Variants in CDK5RAP2 observed in about 807,000 individuals in gnomAD.
CDK5RAP2 encodes the protein CDK5 regulatory subunit-associated protein 2.
In CDK5RAP2, 147 loss-of-function variants were observed where a neutral mutation model predicts 232.9. The ratio of observed to expected loss-of-function variants is 0.63; its 90% CI spans 0.55 to 0.72. The LOEUF is 0.72. CDK5RAP2 is among the 30% of genes least tolerant of loss of function. The probability of loss-of-function intolerance (pLI) is 0.00; values close to 1 mark genes in which losing one functional copy is unlikely to be tolerated. For missense variants in CDK5RAP2, 2,195 were observed against 2,231.5 expected (o/e 0.98, Z 0.33); for synonymous variants, 833 against 833.7 (o/e 1.00, Z 0.01).
At chr9:120,390,332 C>T (rs115853777) in intron 36 of CDK5RAP2, 2,278 of 156,966 alleles carry the variant, frequency 0.015, 48 homozygotes, top group African/African-American at 0.051. Flanking sequence ...AAGAAAAAAC[C>T]GTGGGCATGC....
intron 14 of CDK5RAP2, among the ~76,000 whole-genome samples, chr9:120,480,191 C>G (rs1268996169): frequency 1.3e-5 from 2 of 152,172 alleles, no homozygotes; most frequent in Non-Finnish European, 2.9e-5. Context: ...CTGCAAACAG[C>G]CTTTGTAGTT....
chr9:120,548,279 A>C (rs1341460170), intron 4 of CDK5RAP2, among the ~76,000 whole-genome samples: 1 of 152,176 alleles, frequency 6.6e-6, no homozygotes, highest in Admixed American at 6.6e-5. Context: ...CAGCTCTCAG[A>C]AGGGTGGAGA....
At chr9:120,493,109 TG>T (rs988980419) in intron 12 of CDK5RAP2, among the ~76,000 whole-genome samples, 3 of 152,126 alleles carry the variant, frequency 2.0e-5, no homozygotes, top group Non-Finnish European at 4.4e-5. Flanking sequence ...GTTCTGAGGA[TG>T]GAAAGGGGAC....
At chr9:120,522,952 C>T (rs1352768847) in intron 11 of CDK5RAP2, among the ~76,000 whole-genome samples, 1 of 152,212 alleles carries the variant, frequency 6.6e-6, no homozygotes, top group Non-Finnish European at 1.5e-5. Context: ...CATTTACTCA[C>T]ACACAATCAG....
intron 12 of CDK5RAP2, among the ~76,000 whole-genome samples, chr9:120,496,820 C>G (rs1186766132): frequency 7.4e-6 from 1 of 134,764 alleles, no homozygotes; most frequent in Non-Finnish European, 1.6e-5. Context: ...CCAGCCGCCC[C>G]GTCCGGGAGG....
intron 35 of CDK5RAP2, among the ~76,000 whole-genome samples, chr9:120,398,657 A>G (rs1252750157): frequency 6.6e-6 from 1 of 152,226 alleles, no homozygotes; most frequent in Non-Finnish European, 1.5e-5. Context: ...TCTACCTTCT[A>G]TCTGTTACTC....
intron 36 of CDK5RAP2, among the ~76,000 whole-genome samples, chr9:120,391,875 G>A (rs773489411): frequency 6.6e-6 from 1 of 152,184 alleles, no homozygotes; most frequent in Non-Finnish European, 1.5e-5. Flanking sequence ...CCAAGGACCT[G>A]ACTCCTTGGG....
At chr9:120,413,827 G>A (rs2034021240) in intron 28 of CDK5RAP2, among the ~76,000 whole-genome samples, 1 of 145,928 alleles carries the variant, frequency 6.9e-6, no homozygotes, top group South Asian at 2.1e-4. Context: ...GGAGGGAGGA[G>A]GGAGGAGGGA....
intron 7 of CDK5RAP2, among the ~76,000 whole-genome samples, chr9:120,531,737 CAG>C (rs1402228428): frequency 1.3e-5 from 2 of 152,088 alleles, no homozygotes; most frequent in Non-Finnish European, 2.9e-5. Flanking sequence ...TGCAGTCAGA[CAG>C]AGCTGCCCTA....
intron 12 of CDK5RAP2, among the ~76,000 whole-genome samples, chr9:120,517,107 A>C (rs1209427146): frequency 6.6e-6 from 1 of 152,240 alleles, no homozygotes; most frequent in Non-Finnish European, 1.5e-5. Flanking sequence ...AAGACAGAAC[A>C]GTATTTAGCC....
chr9:120,414,999 C>A, intron 28 of CDK5RAP2, 41 bp downstream of exon 28: 1 of 1,611,964 alleles, frequency 6.2e-7, no homozygotes, highest in Non-Finnish European at 8.5e-7. Context: ...CAGTGAAGCA[C>A]TCACAGACAT....
intron 25 of CDK5RAP2, among the ~76,000 whole-genome samples, chr9:120,423,523 A>G (rs1396012046): frequency 6.6e-6 from 1 of 152,196 alleles, no homozygotes; most frequent in East Asian, 1.9e-4. Flanking sequence ...TAAAGCTCAG[A>G]ATGTAGCTGG....
At chr9:120,416,521 T>C (rs1393768796) in intron 27 of CDK5RAP2, among the ~76,000 whole-genome samples, 2 of 152,218 alleles carry the variant, frequency 1.3e-5, no homozygotes, top group Admixed American at 6.5e-5. Context: ...TTAATAGCAG[T>C]TGCCTTTAGG....
intron 12 of CDK5RAP2, among the ~76,000 whole-genome samples, chr9:120,516,236 AATC>A (rs1261461673): frequency 1.3e-5 from 2 of 152,054 alleles, no homozygotes; most frequent in Non-Finnish European, 2.9e-5. Flanking sequence ...TGAAACTGGA[AATC>A]ATCATTCTCA....
At chr9:120,399,913 A>G (rs541628784) in intron 35 of CDK5RAP2, among the ~76,000 whole-genome samples, 2 of 152,218 alleles carry the variant, frequency 1.3e-5, no homozygotes, top group Non-Finnish European at 2.9e-5. Flanking sequence ...CCCACCTGCT[A>G]CTTCATGGTC....
At chr9:120,577,992 G>A (rs938214390) in intron 1 of CDK5RAP2, among the ~76,000 whole-genome samples, 8 of 152,156 alleles carry the variant, frequency 5.3e-5, no homozygotes, top group Admixed American at 2.6e-4. Context: ...TTCTCACGCC[G>A]GGCGCGGTGG....
intron 12 of CDK5RAP2, among the ~76,000 whole-genome samples, chr9:120,505,085 C>A (rs983376866): frequency 1.8e-4 from 28 of 152,198 alleles, no homozygotes; most frequent in African/African-American, 6.8e-4. Flanking sequence ...TTGTGCTCTG[C>A]TCTACTGCAC....
chr9:120,422,818 C>A (rs1220694885), intron 25 of CDK5RAP2, 77 bp from the exon 26 acceptor site: 2 of 1,057,280 alleles, frequency 1.9e-6, no homozygotes, highest in South Asian at 1.3e-5. Context: ...CCTGCTCATA[C>A]ATTTGCAGAA....
intron 3 of CDK5RAP2, among the ~76,000 whole-genome samples, chr9:120,553,239 T>C (rs1243104543): frequency 6.6e-6 from 1 of 152,190 alleles, no homozygotes; most frequent in African/African-American, 2.4e-5. Context: ...AACTATGATC[T>C]GTCAATTCAG....
Sources: allele counts gnomAD v4.1 joint callset (sites outside exome capture counted in the v4.1 genomes callset), GRCh38; gene constraint gnomAD v4.1.1; transcripts MANE v1.5; gene names NCBI Gene and HGNC (gene_info 2026-07-23, HGNC 2026-07-21).